The following IPCEF1 variants were observed in gnomAD, a reference collection of about 807,000 sequenced individuals.
IPCEF1 encodes interaction protein for cytohesin exchange factors 1.
A neutral mutation model predicts 50.9 loss-of-function variants in IPCEF1; 31 were observed. The observed-to-expected ratio is 0.61, with a 90% CI of 0.46 to 0.82. IPCEF1 has a LOEUF of 0.82. Among genes scored for constraint, IPCEF1 ranks in the 40% least tolerant of loss-of-function variants. IPCEF1 has a pLI of 0.00. For synonymous variants in IPCEF1, 181 were observed against 192.0 expected, an observed-to-expected ratio of 0.94 and a Z score of 0.47; for missense variants, 458 against 514.0, an observed-to-expected ratio of 0.89 and a Z score of 1.05.
At chr6:154,325,255 C>T (rs1226327588) in intron 1 of IPCEF1, among the ~76,000 whole-genome samples, 1 of 152,088 alleles carries the variant, frequency 6.6e-6, no homozygotes, top group Non-Finnish European at 1.5e-5. Context: ...ACTATGCCTC[C>T]ACTAGTGTAT....
At chr6:154,323,104 T>A (rs1176837112) in intron 1 of IPCEF1, among the ~76,000 whole-genome samples, 1 of 152,150 alleles carries the variant, frequency 6.6e-6, no homozygotes, top group African/African-American at 2.4e-5. Context: ...ATGCCCTTGG[T>A]TCTGAACCAT....
intron 2 of IPCEF1, 116 bp downstream of exon 2, chr6:154,289,597 C>G (rs1782460222): frequency 6.6e-6 from 1 of 151,880 alleles, no homozygotes; most frequent in Admixed American, 6.6e-5. Flanking sequence ...ATAAACATAC[C>G]TAGGCTACAC....
rs115299118 is a variant in IPCEF1 at position 154,225,908 on chromosome 6, C to T, written c.247-2665G>A. On this transcript the variant is annotated intron_variant, in intron 5 of 11. Transcript: ENST00000367220. Reference sequence around the variant, plus strand: ...ACTGTAGAGACCAAAACTCCACCCGCGTTGCTAAATCCCATCTACTGTTTT... The same window carrying T: ...ACTGTAGAGACCAAAACTCCACCCGTGTTGCTAAATCCCATCTACTGTTTT... Among the ~76,000 whole-genome samples, 1,118 of 152,290 alleles carry T rather than the reference C, an allele frequency of 7.3e-3. 11 individuals are homozygous for T. Among genetic ancestry groups the T allele is most frequent in the Middle Eastern group, 0.024 (7 of 294 alleles).
intron 10 of IPCEF1, among the ~76,000 whole-genome samples, chr6:154,197,857 T>A (rs996862869): frequency 6.6e-6 from 1 of 152,200 alleles, no homozygotes; most frequent in Non-Finnish European, 1.5e-5. Flanking sequence ...TTTTTTTAGT[T>A]CTACTTACGA....
chr6:154,343,594 C>T (rs1159278629), intron 1 of IPCEF1, among the ~76,000 whole-genome samples: 1 of 152,198 alleles, frequency 6.6e-6, no homozygotes, highest in Middle Eastern at 3.2e-3. Context: ...AACCTATCAA[C>T]CAGCCTTCTT....
intron 10 of IPCEF1, among the ~76,000 whole-genome samples, chr6:154,180,415 T>C (rs1583722683): frequency 3.4e-5 from 1 of 29,352 alleles, no homozygotes; most frequent in Admixed American, 2.5e-4. Context: ...TATATATATA[T>C]TTTTTTTTTA....
chr6:154,295,716 T>C (rs993791568), intron 1 of IPCEF1, among the ~76,000 whole-genome samples: 4 of 152,194 alleles, frequency 2.6e-5, no homozygotes, highest in African/African-American at 9.7e-5. Flanking sequence ...GCTAAGTCTG[T>C]ACATGTCTAA....
intron 5 of IPCEF1, among the ~76,000 whole-genome samples, chr6:154,230,552 C>A (rs1779639461): frequency 6.6e-6 from 1 of 152,116 alleles, no homozygotes; most frequent in Non-Finnish European, 1.5e-5. Context: ...GTCAGAAAAG[C>A]AGAAGGGCTG....
chr6:154,253,986 T>C (rs1363857610), intron 3 of IPCEF1, among the ~76,000 whole-genome samples: 3 of 152,218 alleles, frequency 2.0e-5, no homozygotes, highest in Non-Finnish European at 4.4e-5. Context: ...TTCAGAGCTA[T>C]ACATTTACTG....
chr6:154,226,321 A>G (rs1486903476), intron 5 of IPCEF1, among the ~76,000 whole-genome samples: 1 of 152,214 alleles, frequency 6.6e-6, no homozygotes, highest in Non-Finnish European at 1.5e-5. Flanking sequence ...ACTGCCTAGT[A>G]AGCCTATTCC....
At position 154,159,605 on chromosome 6, in the gene IPCEF1, C is replaced by G. The variant is rs2273619; in HGVS notation, c.*223G>C. ...CAGTAGGAACACAAAAAACGCCTTT[C>G]AACTGAACTCAATCATTCCAATCTC... On this transcript the variant is annotated 3_prime_UTR_variant, in exon 12 of 12. Transcript: ENST00000367220. The G allele has an allele frequency of 2.6e-5, 14 of 544,266 alleles. No individual in the cohort carries two copies. The East Asian group carries it at 4.6e-4, about 18-fold the overall frequency. The allele number at this position is 544,266 out of a possible 1,614,324, so 33.7% of individuals were successfully genotyped here. A position where few individuals can be genotyped will look rare whatever the true frequency, so the allele number is the denominator to read the frequency against.
intron 1 of IPCEF1, among the ~76,000 whole-genome samples, chr6:154,324,263 G>C (rs1253960593): frequency 1.3e-5 from 2 of 151,996 alleles, no homozygotes; most frequent in African/African-American, 4.8e-5. Context: ...TCAAATATTT[G>C]GATATATAAA....
intron 2 of IPCEF1, among the ~76,000 whole-genome samples, chr6:154,281,619 T>C (rs925078415): frequency 6.6e-6 from 1 of 152,056 alleles, no homozygotes; most frequent in Non-Finnish European, 1.5e-5. Context: ...CCCAGCACTT[T>C]GGGAGGATGA....
chr6:154,343,082 C>T lies in IPCEF1; in HGVS notation c.-62+13590G>A, dbSNP rs527446833. Among the ~76,000 whole-genome samples the T allele has an allele frequency of 4.6e-5, 7 of 152,316 alleles. No individual in the cohort carries two copies. The South Asian group carries it at 1.0e-3, about 23-fold the overall frequency. ...AGTGAGCTGAGATACCACCACTGCA[C>T]TCCAGCCTCGGCAAAAGAGCCAGAC... On this transcript the variant is annotated intron_variant, in intron 1 of 11. Transcript: ENST00000367220.
intron 10 of IPCEF1, among the ~76,000 whole-genome samples, chr6:154,199,096 A>T (rs1776868376): frequency 6.6e-6 from 1 of 152,228 alleles, no homozygotes; most frequent in South Asian, 2.1e-4. Context: ...CTTTGTTAAG[A>T]CTTAAAATGT....
rs1243094519 is a variant in IPCEF1, at chr6:154,156,673, A to G, written c.*3155T>C. Reference sequence around the variant, plus strand: ...CGCTTCCTGGAGTCTTTGTAATCCTATACTTTAGGAGTCTTTCTAGGCCTT... The same window carrying G: ...CGCTTCCTGGAGTCTTTGTAATCCTGTACTTTAGGAGTCTTTCTAGGCCTT... On this transcript the variant is annotated 3_prime_UTR_variant, in exon 12 of 12. Transcript: ENST00000367220. 1 of 152,182 alleles carries G rather than the reference A, an allele frequency of 6.6e-6. No homozygotes were observed. Among genetic ancestry groups the G allele is most frequent in the Admixed American group, 6.5e-5 (1 of 15,288 alleles). The allele number at this position is 152,182 out of a possible 1,614,324, so 9.4% of individuals were successfully genotyped here.
chr6:154,321,778 T>TAA lies in IPCEF1; in HGVS notation c.-61-32024_-61-32023dup, dbSNP rs61648946. ...CTGGGTGACAGAGAGAGACTCTTTC[T>TAA]AAAAAAAAAAAAAAAAAAAAAAAAA... On this transcript the variant is annotated intron_variant, in intron 1 of 11. Coordinates refer to ENST00000367220, the MANE Select transcript of IPCEF1 (RefSeq NM_001130700.2). Among the ~76,000 whole-genome samples the TAA allele has an allele frequency of 4.5e-3, 232 of 51,882 alleles. 11 individuals carry two copies. The highest frequency in any genetic ancestry group is 7.7e-3 in the Non-Finnish European group (185 of 23,922). 34.0% of individuals were successfully genotyped at this position (51,882 alleles called of 152,430 possible). A position where few individuals can be genotyped will look rare whatever the true frequency, so the allele number is the denominator to read the frequency against.
intron 2 of IPCEF1, among the ~76,000 whole-genome samples, chr6:154,273,861 C>T (rs1443184922): frequency 1.3e-5 from 2 of 149,354 alleles, no homozygotes; most frequent in Non-Finnish European, 3.0e-5. Flanking sequence ...TCACGGCATT[C>T]TCCTGCCTCA....
At chr6:154,178,152 T>C (rs1187895820) in intron 10 of IPCEF1, among the ~76,000 whole-genome samples, 1 of 38,846 alleles carries the variant, frequency 2.6e-5, no homozygotes, top group Admixed American at 2.9e-4. Flanking sequence ...GGTGGGGGGC[T>C]GGGGGAGGGA....
Sources: gnomAD v4.1 joint callset for allele counts (sites outside exome capture counted in the v4.1 genomes callset) on GRCh38, gnomAD v4.1.1 for gene constraint, MANE v1.5 for transcripts, NCBI Gene and HGNC (gene_info 2026-07-23, HGNC 2026-07-21) for gene names.